CEP128: variants seen among roughly 807,000 people sequenced by gnomAD.
CEP128 encodes centrosomal protein 128kDa.
Under a neutral mutation model 156.7 loss-of-function variants are expected in CEP128, and 132 were observed. The ratio of observed to expected loss-of-function variants is 0.84; its 90% confidence interval spans 0.73 to 0.97. The LOEUF is 0.97. Among genes scored for constraint, CEP128 ranks in the 50% least tolerant of loss-of-function variants. The pLI, the probability that CEP128 is intolerant of heterozygous loss-of-function variation, is 0.00. For synonymous variants in CEP128, 469 were observed against 448.9 expected (o/e 1.04, Z -0.57); for missense variants, 1,252 against 1,281.9 (o/e 0.98, Z 0.36).
chr14:80,914,365 C>T lies in CEP128; in HGVS notation c.191G>A (p.Arg64Gln), dbSNP rs201719117. 7.5e-5 allele frequency: 121 copies of T among 1,613,846 alleles called. 1 individual carries two copies. The highest frequency in any genetic ancestry group is 9.6e-5 in the Non-Finnish European group (113 of 1,179,848). Residue 64 changes from arginine to glutamine, a missense_variant, in exon 4 of 25, where the codon CGA (arginine) becomes CAA (glutamine). Coordinates refer to ENST00000555265, the MANE Select transcript of CEP128 (RefSeq NM_152446.5). ...CTGTCCATTACTGTATTCTCGGTATCGTCCAAGCATCTGGTCCACTTGTCG... is the reference window on the plus strand; with the variant it reads ...CTGTCCATTACTGTATTCTCGGTATTGTCCAAGCATCTGGTCCACTTGTCG... ...NLRQVDQMLG[R>Q]YREYSNGQAG...
intron 2 of CEP128, among the ~76,000 whole-genome samples, chr14:80,951,016 T>C (rs1886454321): frequency 6.6e-6 from 1 of 151,988 alleles, no homozygotes; most frequent in Non-Finnish European, 1.5e-5. Context: ...GTTTTTAAAG[T>C]ACTGAAAGTT....
chr14:80,580,473 T>TACGA (rs1566791741), intron 19 of CEP128, 50 bp from the exon 20 acceptor site: 88 of 1,143,468 alleles, frequency 7.7e-5, no homozygotes, highest in Non-Finnish European at 1.0e-4. Context: ...AAAAACGAGT[T>TACGA]GCCTCTTATC....
At chr14:80,749,931 G>T (rs1395564529) in intron 18 of CEP128, among the ~76,000 whole-genome samples, 2 of 151,960 alleles carry the variant, frequency 1.3e-5, no homozygotes, top group Non-Finnish European at 2.9e-5. Context: ...ATAAGCAGAG[G>T]ATAAAATTTA....
intron 19 of CEP128, among the ~76,000 whole-genome samples, chr14:80,587,501 T>G (rs1891868546): frequency 6.6e-6 from 1 of 152,176 alleles, no homozygotes; most frequent in Admixed American, 6.5e-5. Context: ...CTGGTGAAAC[T>G]TTCCACTTCG....
chr14:80,558,345 G>A (rs1430577680), intron 21 of CEP128, among the ~76,000 whole-genome samples: 2 of 151,992 alleles, frequency 1.3e-5, no homozygotes, highest in African/African-American at 4.8e-5. Context: ...CTGGAGTGCA[G>A]TGGCATGATC....
At chr14:80,722,247 C>T (rs1385462656) in intron 19 of CEP128, among the ~76,000 whole-genome samples, 1 of 152,116 alleles carries the variant, frequency 6.6e-6, no homozygotes. Flanking sequence ...AGTGTCACTA[C>T]TGAGAAACAC....
chr14:80,904,067 A>G (rs2114701), intron 6 of CEP128, among the ~76,000 whole-genome samples: 6,261 of 152,282 alleles, frequency 0.041, 163 homozygotes, highest in Non-Finnish European at 0.064. Flanking sequence ...TATTCACAAC[A>G]GCCAAGATCG....
chr14:80,675,513 T>A (rs1374558681), intron 19 of CEP128, among the ~76,000 whole-genome samples: 1 of 152,060 alleles, frequency 6.6e-6, no homozygotes, highest in Non-Finnish European at 1.5e-5. Flanking sequence ...AATTACTAAC[T>A]TGAGATTATG....
chr14:80,583,744 A>C (rs1485975944), intron 19 of CEP128, among the ~76,000 whole-genome samples: 1 of 152,208 alleles, frequency 6.6e-6, no homozygotes, highest in Non-Finnish European at 1.5e-5. Flanking sequence ...CTTCCAATAC[A>C]TAATTCTTCC....
intron 24 of CEP128, 21 bp downstream of exon 24, chr14:80,504,891 G>A: frequency 7.7e-7 from 1 of 1,296,978 alleles, no homozygotes; most frequent in East Asian, 2.6e-5. Context: ...TTAAAAATGG[G>A]TACAAGACTT....
At chr14:80,796,663 A>G (rs1427613615) in intron 13 of CEP128, among the ~76,000 whole-genome samples, 1 of 152,088 alleles carries the variant, frequency 6.6e-6, no homozygotes, top group Admixed American at 6.5e-5. Flanking sequence ...TAACTCTATA[A>G]AGTTCCAGTA....
At chr14:80,701,792 C>T (rs548055975) in intron 19 of CEP128, among the ~76,000 whole-genome samples, 1 of 152,130 alleles carries the variant, frequency 6.6e-6, no homozygotes, top group Non-Finnish European at 1.5e-5. Context: ...TTCTCTCAAA[C>T]CCCAAAACTA....
Position 80,777,900 on chromosome 14 carries a change from C to T in CEP128, c.2358G>A (p.Lys786=), listed in dbSNP as rs761609114. 2.7e-4 allele frequency: 429 copies of T among 1,606,894 alleles called. No homozygotes were observed. The highest frequency in any genetic ancestry group is 3.3e-4 in the Non-Finnish European group (388 of 1,175,108). The change falls in exon 16 of 25, where the codon AAG becomes AAA. Residue 786 remains lysine, a synonymous_variant. Coordinates refer to ENST00000555265, the MANE Select transcript of CEP128 (RefSeq NM_152446.5). ...TTTTTACCCTTTCTTCTAGTTGATC[C>T]TTCAAACATTGATATTTTAGCTTCA... ...KKLKLKYQCL[K]DQLEEREKHI... is the part of the protein sequence containing the mutation.
chr14:80,763,087 G>C (rs529807907), intron 16 of CEP128, among the ~76,000 whole-genome samples: 10 of 152,134 alleles, frequency 6.6e-5, no homozygotes, highest in Non-Finnish European at 5.9e-5. Context: ...AGATGGGAAG[G>C]CAAACTATAA....
intron 19 of CEP128, among the ~76,000 whole-genome samples, chr14:80,647,013 G>GTATA (rs1894665942): frequency 2.9e-5 from 2 of 69,034 alleles, no homozygotes; most frequent in Non-Finnish European, 6.4e-5. Context: ...ATATATATAT[G>GTATA]TGTGTGTATA....
chr14:80,883,898 A>G (rs918465430), intron 8 of CEP128, among the ~76,000 whole-genome samples: 1 of 152,226 alleles, frequency 6.6e-6, no homozygotes, highest in Non-Finnish European at 1.5e-5. Flanking sequence ...CCAATGAAAC[A>G]GAATACAAAA....
At chr14:80,874,790 T>C (rs1203378382) in intron 8 of CEP128, among the ~76,000 whole-genome samples, 2 of 152,078 alleles carry the variant, frequency 1.3e-5, no homozygotes, top group African/African-American at 4.8e-5. Context: ...GCTAATTTTT[T>C]TGTATTTTTA....
chr14:80,924,590 G>C (rs1885046979), intron 2 of CEP128, among the ~76,000 whole-genome samples: 1 of 152,080 alleles, frequency 6.6e-6, no homozygotes, highest in Non-Finnish European at 1.5e-5. Context: ...ACATAAGTTT[G>C]ACAGGTGGAT....
intron 6 of CEP128, among the ~76,000 whole-genome samples, chr14:80,904,105 A>AT (rs1229114770): frequency 6.6e-6 from 1 of 152,148 alleles, no homozygotes; most frequent in Non-Finnish European, 1.5e-5. Context: ...CTATCAGTGA[A>AT]TGAATGGATA....
Sources: allele counts gnomAD v4.1 joint callset (sites outside exome capture counted in the v4.1 genomes callset), GRCh38; gene constraint gnomAD v4.1.1; transcripts MANE v1.5; gene names NCBI Gene and HGNC (gene_info 2026-07-23, HGNC 2026-07-21).